Variants in MAP4 observed in about 807,000 individuals in gnomAD.
The protein encoded by MAP4 is microtubule-associated protein 4.
Under a neutral mutation model 170.2 loss-of-function variants are expected in MAP4, and 76 were observed. That is an observed-to-expected ratio of 0.45 (90% CI 0.37 to 0.54). MAP4 has a LOEUF of 0.54. Ranked by LOEUF, MAP4 falls within the 20% of genes least tolerant of loss-of-function variation. The probability of loss-of-function intolerance (pLI) is 0.00; values close to 1 mark genes in which losing one functional copy is unlikely to be tolerated. For missense variants in MAP4, 2,506 were observed against 2,748.0 expected (o/e 0.91, Z 1.97); for synonymous variants, 909 against 994.5 (o/e 0.91, Z 1.62).
chr3:47,939,499 A>C (rs143328171), intron 3 of MAP4, among the ~76,000 whole-genome samples: 113 of 152,342 alleles, frequency 7.4e-4, no homozygotes, highest in African/African-American at 2.6e-3. Context: ...TAAATGATGT[A>C]AGTTAAATTC....
At chr3:47,974,427 A>C in intron 3 of MAP4, 1 of 976,562 alleles carries the variant, frequency 1.0e-6, no homozygotes, top group Non-Finnish European at 1.2e-6. Flanking sequence ...TGTCTCAAAA[A>C]CAAAAAACAA....
At chr3:48,059,118 GA>G (rs1438489170) in intron 1 of MAP4, among the ~76,000 whole-genome samples, 1 of 152,108 alleles carries the variant, frequency 6.6e-6, no homozygotes. Context: ...ATTAAGTAAT[GA>G]AAGTGAAAGT....
intron 1 of MAP4, among the ~76,000 whole-genome samples, chr3:48,073,057 C>G (rs546500536): frequency 1.3e-5 from 2 of 151,592 alleles, no homozygotes; most frequent in Non-Finnish European, 2.9e-5. Context: ...ATGGTGAAAC[C>G]CTGTCTACTA....
chr3:47,981,436 C>T lies in MAP4; in HGVS notation c.224-3503G>A, dbSNP rs546139523. On this transcript the variant is annotated intron_variant, in intron 2 of 20. Coordinates refer to ENST00000683076, the MANE Select transcript of MAP4 (RefSeq NM_001385682.1). The stretch of plus-strand genomic sequence containing the variant: ...TAAATTAGCTGGGTGTGGTGGCACA[C>T]GCCTATAGTCCTTATCTCGTAATAA... 2.6e-5 allele frequency among the ~76,000 whole-genome samples: 4 copies of T among 151,746 alleles called. No individual in the cohort carries two copies. In the East Asian group the frequency reaches 5.8e-4, roughly 22 times the overall value.
At chr3:48,014,518 G>T (rs551093500) in intron 1 of MAP4, among the ~76,000 whole-genome samples, 8 of 152,094 alleles carry the variant, frequency 5.3e-5, no homozygotes, top group Non-Finnish European at 1.0e-4. Flanking sequence ...AATTAGCCAG[G>T]CATGGTGGCA....
intron 6 of MAP4, 81 bp downstream of exon 6, chr3:47,918,638 G>A (rs764034192): frequency 8.8e-7 from 1 of 1,132,810 alleles, no homozygotes; most frequent in Non-Finnish European, 1.3e-6. Flanking sequence ...GCTGTAAGCT[G>A]CTAAAAAATA....
intron 1 of MAP4, among the ~76,000 whole-genome samples, chr3:48,024,187 G>A (rs2100111951): frequency 1.3e-5 from 2 of 152,082 alleles, no homozygotes; most frequent in Admixed American, 1.3e-4. Context: ...GAGCGTGCCT[G>A]TAGTCCCAGC....
In MAP4 at chr3:47,916,839, A is replaced by C; in HGVS notation, c.988T>G (p.Ser330Ala). The C allele has an allele frequency of 6.2e-7, 1 of 1,614,200 alleles. No individual in the cohort carries two copies. The highest frequency in any genetic ancestry group is 8.5e-7 in the Non-Finnish European group (1 of 1,180,036). Reference protein sequence around the residue: ...VRWPTETDVSSAKNVVLPTET... With the variant: ...VRWPTETDVSAAKNVVLPTET... Reference sequence around the variant, plus strand: ...GTGGGCAGTACCACATTCTTGGCTGAAGATACATCTGTTTCTGTGGGCCAT... The same window carrying C: ...GTGGGCAGTACCACATTCTTGGCTGCAGATACATCTGTTTCTGTGGGCCAT... Residue 330 changes from serine (S) to alanine (A), a missense_variant, in exon 7 of 21, where the codon TCA (serine) becomes GCA (alanine). This residue lies in a region of MAP4 where 2,008 missense variants were observed against 2,206.0 expected (regional missense o/e 0.91). Transcript: ENST00000683076.
At chr3:47,899,192 G>A (rs2100028683) in intron 10 of MAP4, among the ~76,000 whole-genome samples, 1 of 152,190 alleles carries the variant, frequency 6.6e-6, no homozygotes, top group African/African-American at 2.4e-5. Flanking sequence ...ACACACTTAA[G>A]AACCAGAAGG....
intron 10 of MAP4, chr3:47,891,330 C>G: frequency 1.3e-6 from 2 of 1,536,164 alleles, no homozygotes; most frequent in Non-Finnish European, 8.7e-7. Context: ...ACTGGTTCCT[C>G]ACAGATGAAA....
chr3:48,068,041 G>A (rs927003669), intron 1 of MAP4, among the ~76,000 whole-genome samples: 8 of 152,092 alleles, frequency 5.3e-5, no homozygotes, highest in Non-Finnish European at 1.0e-4. Context: ...GAGGTAGGCA[G>A]ATCACTTGAG....
At chr3:47,922,623 C>T (rs1405120059) in intron 4 of MAP4, among the ~76,000 whole-genome samples, 1 of 151,310 alleles carries the variant, frequency 6.6e-6, no homozygotes, top group African/African-American at 2.4e-5. Context: ...AAGAAAACTG[C>T]ATTTCAAAAC....
intron 1 of MAP4, among the ~76,000 whole-genome samples, chr3:48,055,188 CTCTCCCTCTCCGTCTCCGTCTCCG>C (rs1393522041): frequency 3.1e-5 from 2 of 64,526 alleles, no homozygotes; most frequent in African/African-American, 6.0e-5. Context: ...CTCCCTCTCC[CTCTCCCTCTCCGTCTCCGTCTCCG>C]TCTCCGTCTC....
chr3:47,999,675 G>A (rs1042101609), intron 1 of MAP4, among the ~76,000 whole-genome samples: 2 of 152,050 alleles, frequency 1.3e-5, no homozygotes, highest in Non-Finnish European at 2.9e-5. Context: ...CAAAGAAACT[G>A]CAGACACTGG....
At chr3:48,044,967 T>G (rs2154541949) in intron 1 of MAP4, among the ~76,000 whole-genome samples, 1 of 148,880 alleles carries the variant, frequency 6.7e-6, no homozygotes, top group African/African-American at 2.5e-5. Flanking sequence ...GAATTTTTTT[T>G]TTGTTGAGGC....
At chr3:47,945,912 C>T (rs937037293) in intron 3 of MAP4, among the ~76,000 whole-genome samples, 3 of 151,228 alleles carry the variant, frequency 2.0e-5, no homozygotes, top group Non-Finnish European at 3.0e-5. Context: ...CAGGGCTTCG[C>T]CGTGTTGCCA....
intron 1 of MAP4, among the ~76,000 whole-genome samples, chr3:48,030,380 G>C (rs942762322): frequency 6.6e-6 from 1 of 151,726 alleles, no homozygotes; most frequent in African/African-American, 2.4e-5. Context: ...AAGAAACCAA[G>C]ACTCTTTGGA....
chr3:48,005,114 T>C (rs6442093), intron 1 of MAP4, among the ~76,000 whole-genome samples: 149,283 of 152,284 alleles, frequency 0.98, 73,239 homozygotes, highest in East Asian at 1. Context: ...GTAATCCCAA[T>C]ACTTTGTGAG....
At chr3:47,884,828 C>T (rs180911784) in intron 10 of MAP4, among the ~76,000 whole-genome samples, 7 of 152,240 alleles carry the variant, frequency 4.6e-5, no homozygotes, top group East Asian at 3.9e-4. Context: ...CTGAAACCTA[C>T]GAAAGTCTCC....
Sources: allele counts gnomAD v4.1 joint callset (sites outside exome capture counted in the v4.1 genomes callset), GRCh38; gene constraint gnomAD v4.1.1; regional missense constraint gnomAD v4.1.1; transcripts MANE v1.5; gene names NCBI Gene and HGNC (gene_info 2026-07-23, HGNC 2026-07-21).